Variants in CATSPERT observed in about 807,000 individuals in gnomAD.
The protein encoded by CATSPERT is catsper channel auxiliary subunit tau, also known as cation channel sperm-associated targeting subunit tau.
At chr2:201,557,506 T>C in the CATSPERT span, 1 of 152,214 alleles carries the variant, frequency 6.6e-6, no homozygotes, top group Non-Finnish European at 1.5e-5. Flanking sequence ...TATCTTTCCA[T>C]TAATTGGGCT....
the CATSPERT span, chr2:201,487,476 G>C: frequency 1.3e-6 from 1 of 790,678 alleles, no homozygotes. Flanking sequence ...ATGAAATTTG[G>C]TTGCTGACTT....
At chr2:201,587,893 T>C in the CATSPERT span, among the ~76,000 whole-genome samples, 1 of 152,172 alleles carries the variant, frequency 6.6e-6, no homozygotes, top group Admixed American at 6.6e-5. Context: ...CTAGAAAATC[T>C]CCAAGAAATG....
chr2:201,510,336 C>T, the CATSPERT span, among the ~76,000 whole-genome samples: 2 of 143,028 alleles, frequency 1.4e-5, no homozygotes, highest in South Asian at 2.1e-4. Context: ...CCCAGCTACT[C>T]GGGAGGCTGA....
chr2:201,519,139 G>C, the CATSPERT span, among the ~76,000 whole-genome samples: 1 of 152,124 alleles, frequency 6.6e-6, no homozygotes, highest in Non-Finnish European at 1.5e-5. Context: ...CCCATAAGCT[G>C]AATCTAGGTG....
the CATSPERT span, among the ~76,000 whole-genome samples, chr2:201,548,833 C>G: frequency 6.6e-6 from 1 of 152,190 alleles, no homozygotes; most frequent in East Asian, 1.9e-4. Flanking sequence ...TGTGCAGACA[C>G]AATTTGAGAA....
the CATSPERT span, among the ~76,000 whole-genome samples, chr2:201,558,615 T>C: frequency 2.3e-4 from 35 of 152,258 alleles, no homozygotes; most frequent in Middle Eastern, 6.8e-3. Context: ...ATATCAACAA[T>C]CCTTTCTACA....
At chr2:201,601,272 TAG>T in the CATSPERT span, among the ~76,000 whole-genome samples, 1 of 87,798 alleles carries the variant, frequency 1.1e-5, no homozygotes, top group African/African-American at 4.4e-5. Flanking sequence ...ATAAGGATGA[TAG>T]TGTGTGTGTG....
the CATSPERT span, chr2:201,571,902 A>G: frequency 1.3e-6 from 2 of 1,567,090 alleles, no homozygotes; most frequent in Non-Finnish European, 1.8e-6. Context: ...TTTAAGTGCC[A>G]CATGATCTGA....
the CATSPERT span, chr2:201,493,713 T>C: frequency 1.3e-6 from 2 of 1,537,424 alleles, no homozygotes; most frequent in Non-Finnish European, 1.7e-6. Flanking sequence ...CTATCTCCAA[T>C]TCTGAGAATA....
the CATSPERT span, among the ~76,000 whole-genome samples, chr2:201,586,090 G>A: frequency 2.0e-5 from 3 of 152,136 alleles, no homozygotes; most frequent in African/African-American, 4.8e-5. Flanking sequence ...CAGTAAATAC[G>A]CTTTCTCTTC....
chr2:201,565,741 T>C, the CATSPERT span: 1 of 1,583,456 alleles, frequency 6.3e-7, no homozygotes, highest in Non-Finnish European at 8.6e-7. Context: ...TTCCCGGGGT[T>C]GTTGCTGAAG....
chr2:201,555,278 G>A, the CATSPERT span: 1 of 152,246 alleles, frequency 6.6e-6, no homozygotes, highest in African/African-American at 2.4e-5. Context: ...ACTTTGGGAA[G>A]CCGAAGTGGA....
chr2:201,574,344 A>G, the CATSPERT span: 2 of 1,334,304 alleles, frequency 1.5e-6, no homozygotes, highest in Non-Finnish European at 2.1e-6. Flanking sequence ...ACAAAAAGTG[A>G]TATTTTTACC....
chr2:201,553,427 T>C, the CATSPERT span: 2 of 152,202 alleles, frequency 1.3e-5, no homozygotes, highest in African/African-American at 2.4e-5. Flanking sequence ...ATATTCTTCA[T>C]AGTAACAGGC....
chr2:201,536,225 T>C, the CATSPERT span: 5 of 1,613,350 alleles, frequency 3.1e-6, no homozygotes, highest in Admixed American at 6.7e-5. Context: ...AAGGTGTTGA[T>C]TCATCATTTT....
At chr2:201,545,131 A>G in the CATSPERT span, among the ~76,000 whole-genome samples, 1 of 152,050 alleles carries the variant, frequency 6.6e-6, no homozygotes, top group Non-Finnish European at 1.5e-5. Flanking sequence ...TCCGGCCTCC[A>G]AGTTCAAGCA....
At chr2:201,491,789 AC>A in the CATSPERT span, 1 of 1,537,098 alleles carries the variant, frequency 6.5e-7, no homozygotes, top group Non-Finnish European at 8.7e-7. Flanking sequence ...GTCTTTTCAC[AC>A]CAAGCTTTTG....
the CATSPERT span, among the ~76,000 whole-genome samples, chr2:201,601,088 T>A: frequency 6.6e-6 from 1 of 152,234 alleles, no homozygotes; most frequent in Non-Finnish European, 1.5e-5. Context: ...AAGATTCTAA[T>A]AAGCCTAACT....
At chr2:201,492,871 T>C in the CATSPERT span, 1 of 1,536,560 alleles carries the variant, frequency 6.5e-7, no homozygotes, top group African/African-American at 1.4e-5. Context: ...AAGGTAATGC[T>C]GGATTTGTTT....
Sources: allele counts gnomAD v4.1 joint callset (sites outside exome capture counted in the v4.1 genomes callset), GRCh38; gene constraint gnomAD v4.1.1; transcripts MANE v1.5; gene names NCBI Gene and HGNC (gene_info 2026-07-23, HGNC 2026-07-21).